Variants in HDAC4 observed in about 807,000 individuals in gnomAD.
HDAC4 encodes the protein histone deacetylase 4.
In HDAC4, 16 loss-of-function variants were observed where a neutral mutation model predicts 135.1. The observed-to-expected ratio is 0.12, with a 90% confidence interval of 0.08 to 0.18. HDAC4 has a LOEUF of 0.18. Among genes scored for constraint, HDAC4 ranks in the 10% least tolerant of loss-of-function variants. HDAC4 has a pLI of 1.00. For synonymous variants in HDAC4, 685 were observed against 653.4 expected (o/e 1.05, Z -0.74); for missense variants, 1,143 against 1,511.8 (o/e 0.76, Z 4.05).
chr2:239,142,330 C>T (rs1176222192), intron 8 of HDAC4, among the ~76,000 whole-genome samples: 27 of 152,158 alleles, frequency 1.8e-4, no homozygotes, highest in Non-Finnish European at 4.0e-4. Context: ...CTCCACTCCT[C>T]CGTGTGGGAC....
chr2:239,334,245 C>A (rs1489801336), intron 2 of HDAC4, among the ~76,000 whole-genome samples: 1 of 152,128 alleles, frequency 6.6e-6, no homozygotes, highest in Non-Finnish European at 1.5e-5. Context: ...CTAGGCCAGG[C>A]ACGGTGGCTC....
At chr2:239,242,643 T>C (rs966455872) in intron 2 of HDAC4, among the ~76,000 whole-genome samples, 7 of 152,248 alleles carry the variant, frequency 4.6e-5, no homozygotes, top group African/African-American at 1.7e-4. Flanking sequence ...TTCTTTATTC[T>C]GCTGGCTCAG....
chr2:239,225,941 C>A (rs1053444088), intron 3 of HDAC4, among the ~76,000 whole-genome samples: 1 of 152,166 alleles, frequency 6.6e-6, no homozygotes, highest in Non-Finnish European at 1.5e-5. Context: ...TGGTAGGGGA[C>A]ATGGTGTTGG....
chr2:239,268,879 C>T (rs1388798675), intron 2 of HDAC4, among the ~76,000 whole-genome samples: 2 of 152,292 alleles, frequency 1.3e-5, no homozygotes, highest in East Asian at 3.9e-4. Flanking sequence ...TCCCTACCCC[C>T]ACAAAATGGA....
chr2:239,291,381 C>T (rs2051487412), intron 2 of HDAC4, among the ~76,000 whole-genome samples: 2 of 152,216 alleles, frequency 1.3e-5, no homozygotes, highest in Non-Finnish European at 1.5e-5. Context: ...TTTACATGGC[C>T]TGGGCTGAGA....
intron 2 of HDAC4, among the ~76,000 whole-genome samples, chr2:239,248,021 G>C (rs1358491044): frequency 6.6e-6 from 1 of 152,156 alleles, no homozygotes; most frequent in African/African-American, 2.4e-5. Flanking sequence ...GTGAGGCTGG[G>C]GCTCCCCCAG....
intron 3 of HDAC4, among the ~76,000 whole-genome samples, chr2:239,229,116 C>A (rs2047402034): frequency 6.6e-6 from 1 of 152,112 alleles, no homozygotes; most frequent in Non-Finnish European, 1.5e-5. Flanking sequence ...CACTCCAGCC[C>A]TGCACTCCAG....
intron 11 of HDAC4, among the ~76,000 whole-genome samples, chr2:239,130,558 C>T (rs3791462): frequency 0.49 from 63,004 of 128,238 alleles, 19,915 homozygotes; most frequent in East Asian, 0.77. Flanking sequence ...GTCCTTAAGA[C>T]GCTGGTGGCA....
intron 1 of HDAC4, among the ~76,000 whole-genome samples, chr2:239,370,780 T>C (rs1694552482): frequency 6.6e-6 from 1 of 152,214 alleles, no homozygotes; most frequent in African/African-American, 2.4e-5. Flanking sequence ...TGAAAACCTG[T>C]CTTCACAGCT....
chr2:239,216,401 C>A (rs748200527), intron 3 of HDAC4, among the ~76,000 whole-genome samples: 2 of 152,078 alleles, frequency 1.3e-5, no homozygotes, highest in African/African-American at 2.4e-5. Context: ...AGACAACTGG[C>A]GATGAGGAGG....
intron 1 of HDAC4, among the ~76,000 whole-genome samples, chr2:239,397,607 G>A (rs1696653242): frequency 6.6e-6 from 1 of 152,128 alleles, no homozygotes; most frequent in Non-Finnish European, 1.5e-5. Flanking sequence ...TGTCAGTGAG[G>A]CTGCAGCAAG....
chr2:239,208,846 C>G (rs548012719), intron 3 of HDAC4, among the ~76,000 whole-genome samples: 1 of 152,110 alleles, frequency 6.6e-6, no homozygotes, highest in Non-Finnish European at 1.5e-5. Context: ...AAAATGAGAA[C>G]GACCTTTATG....
intron 1 of HDAC4, among the ~76,000 whole-genome samples, chr2:239,395,673 G>A (rs1174830407): frequency 1.3e-5 from 2 of 152,130 alleles, no homozygotes; most frequent in Non-Finnish European, 2.9e-5. Flanking sequence ...AACCAGGAGT[G>A]GCCCGGGGAC....
At chr2:239,162,350 C>A (rs570044501) in intron 6 of HDAC4, 1 of 456,666 alleles carries the variant, frequency 2.2e-6, no homozygotes, top group African/African-American at 2.0e-5. Context: ...CTGCCCCTGG[C>A]TCCTCATCCT....
intron 3 of HDAC4, among the ~76,000 whole-genome samples, chr2:239,234,991 C>T (rs566408665): frequency 7.2e-5 from 11 of 152,124 alleles, no homozygotes; most frequent in Non-Finnish European, 1.3e-4. Context: ...AAAACAACAC[C>T]GGCAAAGTGA....
intron 2 of HDAC4, among the ~76,000 whole-genome samples, chr2:239,327,469 G>A (rs555156416): frequency 1.3e-5 from 2 of 152,356 alleles, no homozygotes; most frequent in South Asian, 4.1e-4. Flanking sequence ...CAATACGGAA[G>A]TCTTTTCTCA....
Position 239,134,463 on chromosome 2 carries a change from T to A in HDAC4, c.1096-20A>T, listed in dbSNP as rs1271046553. On this transcript the variant is annotated intron_variant, in intron 10 of 26. Coordinates refer to ENST00000543185, the MANE Select transcript of HDAC4 (RefSeq NM_001378414.1). ...CGTGCCCTGGAAAGCACAGCCAGGA[T>A]GCTCGGGTGGAAGGACCCATCACCA... The A allele has an allele frequency of 9.9e-6, 16 of 1,613,776 alleles. No homozygotes were observed. The East Asian group carries it at 3.6e-4, about 36-fold the overall frequency.
At chr2:239,357,264 G>T (rs1013025294) in intron 1 of HDAC4, among the ~76,000 whole-genome samples, 1 of 152,050 alleles carries the variant, frequency 6.6e-6, no homozygotes, top group Non-Finnish European at 1.5e-5. Context: ...AACACATCAT[G>T]AATCAAAGAA....
chr2:239,351,241 T>C (rs543020043), intron 2 of HDAC4, among the ~76,000 whole-genome samples: 11 of 152,304 alleles, frequency 7.2e-5, no homozygotes, highest in Admixed American at 2.6e-4. Context: ...TGATGCCAAT[T>C]TGGAATTGGT....
Sources: allele counts gnomAD v4.1 joint callset (sites outside exome capture counted in the v4.1 genomes callset), GRCh38; gene constraint gnomAD v4.1.1; transcripts MANE v1.5; gene names NCBI Gene and HGNC (gene_info 2026-07-23, HGNC 2026-07-21).